Variants in KLHL13 observed in about 807,000 individuals in gnomAD.
KLHL13 encodes the protein kelch-like protein 13.
Under a neutral mutation model 37.1 loss-of-function variants are expected in KLHL13, and 10 were observed. That is an observed-to-expected ratio of 0.27 (90% CI 0.17 to 0.46). KLHL13 has a LOEUF of 0.46. Ranked by LOEUF, KLHL13 falls within the 20% of genes least tolerant of loss-of-function variation. The pLI is 1.00. For synonymous variants in KLHL13, 163 were observed against 181.2 expected, an observed-to-expected ratio of 0.90 and a Z score of 0.81; for missense variants, 360 against 509.3, an observed-to-expected ratio of 0.71 and a Z score of 2.82.
At chrX:117,902,592 T>C (rs1930169371) in intron 5 of KLHL13, among the ~76,000 whole-genome samples, 1 of 111,914 alleles carries the variant, frequency 8.9e-6, no homozygotes, top group Admixed American at 9.5e-5. Context: ...TTAAGAATAC[T>C]TCCTGTCAGT....
intron 4 of KLHL13, chrX:117,914,173 T>A (rs1931186452): frequency 9.1e-6 from 1 of 109,826 alleles, no homozygotes; most frequent in South Asian, 3.9e-4. Flanking sequence ...GGACTTTTTT[T>A]AAAAGATTGG....
At position 117,967,933 on chromosome X, in the gene KLHL13, C is replaced by T. The variant is rs187796403; in HGVS notation, c.98+4798G>A. On this transcript the variant is annotated intron_variant, in intron 1 of 6. Coordinates refer to ENST00000262820, the Ensembl canonical transcript of KLHL13. ...AATTCACTAGGGGACAGTGTGAATC[C>T]TATAATTAAAAAAAATAATATAATC... is the stretch of plus-strand genomic sequence containing the variant. 6.9e-4 allele frequency among the ~76,000 whole-genome samples: 76 copies of T among 110,918 alleles called. No homozygotes were observed. The East Asian group carries it at 0.021, about 30-fold the overall frequency.
chrX:117,967,721 A>G (rs953635533), intron 1 of KLHL13, among the ~76,000 whole-genome samples: 1 of 112,104 alleles, frequency 8.9e-6, no homozygotes, highest in African/African-American at 3.2e-5. Context: ...TTTCTGTTAT[A>G]TTAAATGATT....
rs1372912657 is a variant in KLHL13, at chrX:118,074,561, T to C, written c.-56+41947A>G. Among the ~76,000 whole-genome samples the C allele has an allele frequency of 5.4e-5, 6 of 111,831 alleles. No homozygotes were observed. In the East Asian group the frequency reaches 1.7e-3, roughly 31 times the overall value. ...AAGATAGGGTAAATACCACACATCT[T>C]TCAAGCAGGTCACTGAATTTATGAC... On this transcript the variant is annotated intron_variant, in intron 1 of 6. Coordinates refer to the KLHL13 transcript ENST00000371882.
intron 1 of KLHL13, among the ~76,000 whole-genome samples, chrX:118,104,752 CTT>C (rs1438807421): frequency 2.7e-5 from 3 of 111,828 alleles, no homozygotes; most frequent in Non-Finnish European, 5.6e-5. Context: ...GTTCCATCCT[CTT>C]TGTGGCCACA....
chrX:117,977,359 C>A (rs1451870453), upstream of KLHL13, among the ~76,000 whole-genome samples: 1 of 111,677 alleles, frequency 9.0e-6, no homozygotes, highest in Middle Eastern at 4.3e-3. Context: ...TGCCAATACT[C>A]TGATTTTTTT....
intron 5 of KLHL13, among the ~76,000 whole-genome samples, chrX:117,907,212 G>T (rs751197779): frequency 9.0e-6 from 1 of 111,208 alleles, no homozygotes; most frequent in Non-Finnish European, 1.9e-5. Flanking sequence ...GTTCCTAGAT[G>T]GGTATACCAT....
rs1176301113 is a variant in KLHL13 at position 117,952,694 on chromosome X, C to A, written c.99-7119G>T. Among the ~76,000 whole-genome samples, 380 of 107,746 alleles carry A rather than the reference C, an allele frequency of 3.5e-3. 2 individuals carry two copies. The highest frequency in any genetic ancestry group is 0.012 in the African/African-American group (357 of 29,451). 93.6% of individuals were successfully genotyped at this position (107,746 alleles called of 115,157 possible). On this transcript the variant is annotated intron_variant, in intron 1 of 6. Transcript: ENST00000262820. The stretch of plus-strand genomic sequence containing the variant: ...AATATCCAGAATCTACAATGAACTC[C>A]AACAAATTTACAAGAAAAAAACAAA...
chrX:118,092,079 G>A (rs745567732), intron 1 of KLHL13, among the ~76,000 whole-genome samples: 2 of 111,583 alleles, frequency 1.8e-5, no homozygotes, highest in Non-Finnish European at 3.8e-5. Context: ...GGGGTGGCAA[G>A]GGATAAAAGA....
In KLHL13 at chrX:117,985,804, A is replaced by C. The variant is rs187543432; in HGVS notation, c.-55-40229T>G. ...CTCTTGCCCATAGTTGCCAGTCATT[A>C]AGTCCTATCTTTTTTTCTTTATCAA... On this transcript the variant is annotated intron_variant, in intron 1 of 6. Transcript: ENST00000371882. Among the ~76,000 whole-genome samples the C allele has an allele frequency of 2.1e-3, 235 of 110,577 alleles. 1 individual carries two copies. Among genetic ancestry groups the C allele is most frequent in the African/African-American group, 7.5e-3 (227 of 30,425 alleles).
chrX:117,948,985 T>G (rs1204574521), intron 1 of KLHL13, among the ~76,000 whole-genome samples: 1 of 112,155 alleles, frequency 8.9e-6, no homozygotes, highest in Non-Finnish European at 1.9e-5. Flanking sequence ...GCCATTGTCA[T>G]ATGTTAACAA....
chrX:117,998,882 T>C (rs1297362191), intron 1 of KLHL13, among the ~76,000 whole-genome samples: 1 of 110,455 alleles, frequency 9.1e-6, no homozygotes, highest in African/African-American at 3.3e-5. Flanking sequence ...AAATTATACA[T>C]ATTATATATA....
intron 1 of KLHL13, among the ~76,000 whole-genome samples, chrX:118,075,143 A>G (rs2054915954): frequency 9.0e-6 from 1 of 111,597 alleles, no homozygotes; most frequent in African/African-American, 3.3e-5. Context: ...TTAACTAGGC[A>G]AAGTGGGGAA....
intron 1 of KLHL13, among the ~76,000 whole-genome samples, chrX:118,051,190 TAA>T (rs544019985): frequency 1.1e-5 from 1 of 94,794 alleles, no homozygotes; most frequent in Non-Finnish European, 2.1e-5. Context: ...GCAAAGTTTG[TAA>T]AAAAAAAAAA....
At chrX:118,042,237 G>T (rs1002595991) in intron 1 of KLHL13, among the ~76,000 whole-genome samples, 4 of 111,521 alleles carry the variant, frequency 3.6e-5, no homozygotes, top group African/African-American at 9.8e-5. Flanking sequence ...GAGAGCAATA[G>T]ATGCCAATAC....
intron 1 of KLHL13, among the ~76,000 whole-genome samples, chrX:118,074,930 G>C (rs1207896617): frequency 9.0e-6 from 1 of 111,729 alleles, no homozygotes; most frequent in Non-Finnish European, 1.9e-5. Flanking sequence ...AATAGTATGG[G>C]GGAAATAATA....
chrX:118,058,600 A>G lies in KLHL13; in HGVS notation c.-56+57908T>C, dbSNP rs766268156. On this transcript the variant is annotated intron_variant, in intron 1 of 6. Transcript: ENST00000371882. Reference sequence around the variant, plus strand: ...CCAAATGAATGCTGGTCATGAATTTATCACCCAAAATATTTGTTGACTTTT... The same window carrying G: ...CCAAATGAATGCTGGTCATGAATTTGTCACCCAAAATATTTGTTGACTTTT... Among the ~76,000 whole-genome samples the G allele has an allele frequency of 7.4e-4, 83 of 112,328 alleles. 1 individual carries two copies. The highest frequency in any genetic ancestry group is 2.5e-3 in the African/African-American group (78 of 30,998).
chrX:117,963,936 G>C (rs1157775706), intron 1 of KLHL13, among the ~76,000 whole-genome samples: 1 of 91,068 alleles, frequency 1.1e-5, no homozygotes, highest in East Asian at 3.5e-4. Flanking sequence ...GTAAACTATC[G>C]CAAGAACAAA....
chrX:117,983,452 G>T, intron 1 of KLHL13: 2 of 977,755 alleles, frequency 2.0e-6, no homozygotes, highest in Non-Finnish European at 2.7e-6. Context: ...AAAAAAAGGT[G>T]AGGAAAAATG....
Sources: allele counts gnomAD v4.1 joint callset (sites outside exome capture counted in the v4.1 genomes callset), GRCh38; gene constraint gnomAD v4.1.1; transcripts MANE v1.5; gene names NCBI Gene and HGNC (gene_info 2026-07-23, HGNC 2026-07-21).